Variants in SLC36A1 observed in about 807,000 individuals in gnomAD.
SLC36A1 encodes proton-coupled amino acid transporter 1.
SLC36A1 carries 30 observed loss-of-function variants against 47.5 expected under a neutral mutation model. The observed-to-expected ratio is 0.63, with a 90% CI of 0.47 to 0.86. The LOEUF is 0.86. Ranked by LOEUF, SLC36A1 falls within the 40% of genes least tolerant of loss-of-function variation. SLC36A1 has a pLI of 0.00. For missense variants in SLC36A1, 517 were observed against 606.0 expected, an observed-to-expected ratio of 0.85 and a Z score of 1.54; for synonymous variants, 255 against 249.7, an observed-to-expected ratio of 1.02 and a Z score of -0.20.
chr5:151,499,199 A>G, the SLC36A1 span, among the ~76,000 whole-genome samples: 2 of 152,240 alleles, frequency 1.3e-5, no homozygotes, highest in Admixed American at 6.5e-5. Context: ...GAAAAGTTTT[A>G]AAATTGTCTT....
At chr5:151,410,386 CAAATATA>C in the SLC36A1 span, among the ~76,000 whole-genome samples, 1 of 142,600 alleles carries the variant, frequency 7.0e-6, no homozygotes, top group Non-Finnish European at 1.5e-5. Context: ...TATAAACAAA[CAAATATA>C]AAATATAAAG....
chr5:151,434,300 G>T (rs1759641353), upstream of SLC36A1, among the ~76,000 whole-genome samples: 1 of 152,160 alleles, frequency 6.6e-6, no homozygotes, highest in African/African-American at 2.4e-5. Flanking sequence ...TGTACAAGGA[G>T]AAAGATACTC....
At chr5:151,398,592 T>C in the SLC36A1 span, among the ~76,000 whole-genome samples, 21 of 152,232 alleles carry the variant, frequency 1.4e-4, no homozygotes, top group Non-Finnish European at 2.6e-4. Context: ...TCATCCTTTA[T>C]TCCAGCCCCA....
downstream of SLC36A1, among the ~76,000 whole-genome samples, chr5:151,495,175 T>TCC (rs1760304123): frequency 6.6e-6 from 1 of 152,236 alleles, no homozygotes; most frequent in Non-Finnish European, 1.5e-5. Flanking sequence ...TTTTAGCCCT[T>TCC]CTAATAGGTG....
At chr5:151,466,878 T>G (rs183691302) in intron 5 of SLC36A1, among the ~76,000 whole-genome samples, 1 of 152,196 alleles carries the variant, frequency 6.6e-6, no homozygotes, top group Non-Finnish European at 1.5e-5. Flanking sequence ...CTCACCTTCT[T>G]CCCAATGCCC....
At chr5:151,347,577 G>C in the SLC36A1 span, 6 of 1,362,374 alleles carry the variant, frequency 4.4e-6, no homozygotes, top group Non-Finnish European at 5.1e-6. Flanking sequence ...GCCCGGGCTG[G>C]CTCTGGCCAA....
the SLC36A1 span, chr5:151,554,373 T>G: frequency 6.2e-7 from 1 of 1,613,838 alleles, no homozygotes; most frequent in Non-Finnish European, 8.5e-7. Flanking sequence ...GTTAGGATGT[T>G]GTACTCTCCA....
At chr5:151,383,135 A>G in the SLC36A1 span, among the ~76,000 whole-genome samples, 1 of 152,206 alleles carries the variant, frequency 6.6e-6, no homozygotes, top group South Asian at 2.1e-4. Flanking sequence ...GAGTATGTAC[A>G]GGAATACAAA....
the SLC36A1 span, among the ~76,000 whole-genome samples, chr5:151,530,790 A>G: frequency 0.15 from 22,595 of 152,256 alleles, 2,171 homozygotes; most frequent in Non-Finnish European, 0.2. Context: ...GGATGGATGT[A>G]GGGGCCAAAG....
the SLC36A1 span, chr5:151,521,947 A>C: frequency 6.2e-7 from 1 of 1,614,116 alleles, no homozygotes; most frequent in Non-Finnish European, 8.5e-7. Context: ...CTTACCCACC[A>C]TGCCACCCTG....
chr5:151,485,379 C>G (rs1759378620), intron 10 of SLC36A1, among the ~76,000 whole-genome samples: 1 of 152,190 alleles, frequency 6.6e-6, no homozygotes, highest in Non-Finnish European at 1.5e-5. Flanking sequence ...TGCTGTCAGG[C>G]TTTGGATCCC....
At chr5:151,463,944 A>G (rs1408126556) in intron 3 of SLC36A1, among the ~76,000 whole-genome samples, 1 of 152,196 alleles carries the variant, frequency 6.6e-6, no homozygotes, top group African/African-American at 2.4e-5. Flanking sequence ...TCTGTCAATA[A>G]TATGAACTAA....
chr5:151,536,862 C>T, the SLC36A1 span, among the ~76,000 whole-genome samples: 5 of 152,228 alleles, frequency 3.3e-5, no homozygotes, highest in African/African-American at 2.4e-5. Flanking sequence ...GCTCTGCCCA[C>T]CCTGGGGCCT....
the SLC36A1 span, among the ~76,000 whole-genome samples, chr5:151,350,180 G>A: frequency 6.6e-6 from 1 of 151,924 alleles, no homozygotes; most frequent in South Asian, 2.1e-4. Context: ...TGTGGCTGAT[G>A]AATGTGACTC....
the SLC36A1 span, among the ~76,000 whole-genome samples, chr5:151,367,346 TC>T: frequency 7.3e-6 from 1 of 137,734 alleles, no homozygotes; most frequent in Non-Finnish European, 1.5e-5. Context: ...TTTATAGACC[TC>T]CCCCCAGGAA....
the SLC36A1 span, chr5:151,543,347 T>C: frequency 8.7e-6 from 14 of 1,614,100 alleles, no homozygotes; most frequent in Middle Eastern, 1.6e-4. Flanking sequence ...TTGGATTGAA[T>C]GGATACTGTG....
intron 1 of SLC36A1, among the ~76,000 whole-genome samples, chr5:151,442,291 G>T (rs116152387): frequency 6.6e-6 from 1 of 151,888 alleles, no homozygotes; most frequent in Admixed American, 6.6e-5. Flanking sequence ...CATTATTTGG[G>T]GTTTCTTTTT....
the SLC36A1 span, among the ~76,000 whole-genome samples, chr5:151,387,574 G>GA: frequency 6.6e-6 from 1 of 152,196 alleles, no homozygotes; most frequent in African/African-American, 2.4e-5. Flanking sequence ...TCTCTTCAAT[G>GA]AGTGGGGTGG....
chr5:151,397,066 G>A, the SLC36A1 span, among the ~76,000 whole-genome samples: 1 of 152,202 alleles, frequency 6.6e-6, no homozygotes, highest in Non-Finnish European at 1.5e-5. Context: ...AGTCCACATG[G>A]ACTTCTCTGT....
Sources: allele counts gnomAD v4.1 joint callset (sites outside exome capture counted in the v4.1 genomes callset), GRCh38; gene constraint gnomAD v4.1.1; transcripts MANE v1.5; gene names NCBI Gene and HGNC (gene_info 2026-07-23, HGNC 2026-07-21).